GRIK2: variants seen among roughly 807,000 people sequenced by gnomAD.
GRIK2 encodes the protein glutamate ionotropic receptor kainate type subunit 2.
GRIK2 carries 32 observed loss-of-function variants against 100.3 expected under a neutral mutation model. The observed-to-expected ratio is 0.32, with a 90% CI of 0.24 to 0.43. GRIK2 has a LOEUF of 0.43. Ranked by LOEUF, GRIK2 falls within the 20% of genes least tolerant of loss-of-function variation. The pLI is 1.00. For missense variants in GRIK2, 843 were observed against 1,114.9 expected, an observed-to-expected ratio of 0.76 and a Z score of 3.47; for synonymous variants, 417 against 389.4, an observed-to-expected ratio of 1.07 and a Z score of -0.83.
chr6:101,828,641 T>A (rs962987534), intron 10 of GRIK2, among the ~76,000 whole-genome samples: 1 of 151,804 alleles, frequency 6.6e-6, no homozygotes, highest in African/African-American at 2.4e-5. Context: ...ACTATGAACA[T>A]CACTATGGAC....
intron 2 of GRIK2, among the ~76,000 whole-genome samples, chr6:101,562,229 AC>A (rs1026582584): frequency 3.9e-5 from 6 of 152,104 alleles, no homozygotes; most frequent in Admixed American, 3.3e-4. Flanking sequence ...TAAAAAAAAA[AC>A]TTTAGGGGAG....
intron 9 of GRIK2, among the ~76,000 whole-genome samples, chr6:101,813,477 A>G (rs768714058): frequency 7.2e-5 from 11 of 152,240 alleles, no homozygotes; most frequent in Non-Finnish European, 1.5e-4. Flanking sequence ...ATGATAAGTG[A>G]AAAGCAAATA....
rs535009177 is a variant in GRIK2 at position 101,452,733 on chromosome 6, T to A, written c.115+53341T>A. Among the ~76,000 whole-genome samples the A allele has an allele frequency of 1.2e-3, 180 of 151,912 alleles. 3 individuals are homozygous for A. Among genetic ancestry groups the A allele is most frequent in the Non-Finnish European group, 3.1e-4 (21 of 67,798 alleles). On this transcript the variant is annotated intron_variant, in intron 2 of 16. Coordinates refer to ENST00000369134, the MANE Select transcript of GRIK2 (RefSeq NM_021956.5). ...AAGTTAGGGGGATTCTATCTCAATG[T>A]GTTTATTGCTTTCTTGTGTTTTAAA... is the stretch of plus-strand genomic sequence containing the variant.
intron 2 of GRIK2, among the ~76,000 whole-genome samples, chr6:101,457,549 G>A (rs1771077167): frequency 6.6e-6 from 1 of 151,872 alleles, no homozygotes; most frequent in African/African-American, 2.4e-5. Flanking sequence ...GGCTAAACCT[G>A]CTTTAATTAT....
chr6:101,727,102 T>G (rs1774924138), intron 7 of GRIK2, among the ~76,000 whole-genome samples: 1 of 152,062 alleles, frequency 6.6e-6, no homozygotes, highest in African/African-American at 2.4e-5. Flanking sequence ...TAAACATTAT[T>G]TTTATGAATT....
At chr6:102,068,096 CA>C (rs371721695) in intron 16 of GRIK2, among the ~76,000 whole-genome samples, 53 of 151,834 alleles carry the variant, frequency 3.5e-4, no homozygotes, top group African/African-American at 1.3e-3. Context: ...GTAATATATA[CA>C]TTACTAGCTG....
At chr6:101,617,579 C>T (rs1779951511) in intron 2 of GRIK2, among the ~76,000 whole-genome samples, 1 of 151,794 alleles carries the variant, frequency 6.6e-6, no homozygotes, top group Admixed American at 6.6e-5. Context: ...GATTCAGACA[C>T]TCAATTTTCA....
intron 2 of GRIK2, among the ~76,000 whole-genome samples, chr6:101,494,819 G>C (rs1773338985): frequency 6.6e-6 from 1 of 151,426 alleles, no homozygotes; most frequent in East Asian, 1.9e-4. Flanking sequence ...TGTGGTTCCA[G>C]ATACTCAGGA....
chr6:101,523,674 G>A (rs543277352), intron 2 of GRIK2, among the ~76,000 whole-genome samples: 1 of 148,520 alleles, frequency 6.7e-6, no homozygotes, highest in South Asian at 2.2e-4. Flanking sequence ...AGCATTCTAA[G>A]TTCTCTTTCC....
intron 2 of GRIK2, among the ~76,000 whole-genome samples, chr6:101,510,510 G>GTTTTTTTTTTTTTTTTTTTTTTTTTT (rs142391999): frequency 1.1e-5 from 1 of 94,346 alleles, no homozygotes; most frequent in Non-Finnish European, 2.0e-5. Context: ...CAGTTGGGGA[G>GTTTTTTTTTTTTTTTTTTTTTTTTTT]TTTTTTTTTT....
chr6:101,464,376 G>A (rs1486901898), intron 2 of GRIK2, among the ~76,000 whole-genome samples: 2 of 151,968 alleles, frequency 1.3e-5, no homozygotes, highest in Admixed American at 6.6e-5. Flanking sequence ...TCATATTTTA[G>A]GCATTTTTTA....
At chr6:101,752,016 A>C (rs1013133743) in intron 7 of GRIK2, among the ~76,000 whole-genome samples, 6 of 152,162 alleles carry the variant, frequency 3.9e-5, no homozygotes, top group African/African-American at 1.4e-4. Context: ...TTCCCTATGT[A>C]CTATTTAGTT....
At chr6:101,522,562 A>G (rs1275139895) in intron 2 of GRIK2, among the ~76,000 whole-genome samples, 1 of 152,156 alleles carries the variant, frequency 6.6e-6, no homozygotes, top group Non-Finnish European at 1.5e-5. Context: ...ATGAAAAATC[A>G]TGCAACACTT....
intron 12 of GRIK2, among the ~76,000 whole-genome samples, chr6:101,896,941 C>A (rs901267427): frequency 6.6e-6 from 1 of 150,928 alleles, no homozygotes; most frequent in African/African-American, 2.4e-5. Context: ...TATTTGCTAC[C>A]AAAAAATGGC....
At chr6:101,887,897 A>G (rs916794442) in intron 11 of GRIK2, among the ~76,000 whole-genome samples, 1 of 152,116 alleles carries the variant, frequency 6.6e-6, no homozygotes, top group African/African-American at 2.4e-5. Context: ...TTAAAATTCA[A>G]TGTGAGATTT....
At chr6:101,932,447 C>A (rs80203681) in intron 14 of GRIK2, among the ~76,000 whole-genome samples, 1,704 of 152,036 alleles carry the variant, frequency 0.011, 34 homozygotes, top group African/African-American at 0.039. Context: ...CCTCTACCAA[C>A]CTAATTGGTT....
chr6:102,058,040 T>C (rs112439049), intron 16 of GRIK2, among the ~76,000 whole-genome samples: 93 of 152,008 alleles, frequency 6.1e-4, no homozygotes, highest in African/African-American at 2.0e-3. Context: ...TCTTTATACT[T>C]AGTTTATTTC....
intron 2 of GRIK2, among the ~76,000 whole-genome samples, chr6:101,609,693 A>G (rs1470664523): frequency 6.6e-6 from 1 of 151,892 alleles, no homozygotes; most frequent in Non-Finnish European, 1.5e-5. Flanking sequence ...AACATTTATT[A>G]AAAACTCACA....
chr6:101,642,280 T>A (rs2128324852), intron 4 of GRIK2, among the ~76,000 whole-genome samples: 1 of 151,978 alleles, frequency 6.6e-6, no homozygotes, highest in East Asian at 1.9e-4. Flanking sequence ...ATCTTAACCA[T>A]TTTTAAATGT....
Sources: allele counts gnomAD v4.1 joint callset (sites outside exome capture counted in the v4.1 genomes callset), GRCh38; gene constraint gnomAD v4.1.1; transcripts MANE v1.5; gene names NCBI Gene and HGNC (gene_info 2026-07-23, HGNC 2026-07-21).